GABRA2: variants seen among roughly 807,000 people sequenced by gnomAD.
The protein encoded by GABRA2 is gamma-aminobutyric acid receptor subunit alpha-2.
A neutral mutation model predicts 48.7 loss-of-function variants in GABRA2; 16 were observed. The ratio of observed to expected loss-of-function variants is 0.33; its 90% CI spans 0.22 to 0.50. The LOEUF (loss-of-function observed/expected upper bound fraction) is 0.50. Ranked by LOEUF, GABRA2 falls within the 20% of genes least tolerant of loss-of-function variation. GABRA2 has a pLI of 0.98. For synonymous variants in GABRA2, 185 were observed against 184.5 expected (o/e 1.00, Z -0.02); for missense variants, 275 against 535.6 (o/e 0.51, Z 4.80).
chr4:46,289,914 T>TTTATTTTTAA lies in GABRA2; in HGVS notation c.856+13545_856+13546insTTAAAAATAA, dbSNP rs1560482729. Among the ~76,000 whole-genome samples the TTTATTTTTAA allele has an allele frequency of 7.5e-3, 1,018 of 135,944 alleles. 16 individuals carry two copies. Among genetic ancestry groups the TTTATTTTTAA allele is most frequent in the African/African-American group, 0.027 (957 of 35,294 alleles). The allele number at this position is 135,944 out of a possible 152,430, so 89.2% of individuals were successfully genotyped here. ...TTATTTATTTATTTATTTATTTTTA[T>TTTATTTTTAA]TTTTTTTTTTTTTTTGAGACTGAGT... On this transcript the variant is annotated intron_variant, in intron 8 of 9. Coordinates refer to ENST00000381620, the MANE Select transcript of GABRA2 (RefSeq NM_000807.4).
At chr4:46,335,039 G>A (rs1218296473) in intron 3 of GABRA2, among the ~76,000 whole-genome samples, 1 of 152,082 alleles carries the variant, frequency 6.6e-6, no homozygotes, top group East Asian at 1.9e-4. Context: ...TTAGTGTAAT[G>A]AATATAGATA....
chr4:46,380,443 T>TATATTCTA (rs1716607251), intron 3 of GABRA2, among the ~76,000 whole-genome samples: 1 of 152,214 alleles, frequency 6.6e-6, no homozygotes, highest in African/African-American at 2.4e-5. Flanking sequence ...CATGGGTTGA[T>TATATTCTA]ATATTCTATT....
chr4:46,364,550 A>G (rs1713737556), intron 3 of GABRA2: 1 of 152,186 alleles, frequency 6.6e-6, no homozygotes, highest in Admixed American at 6.5e-5. Context: ...CTGGGGAAGA[A>G]TCAGCTTCTA....
intron 3 of GABRA2, among the ~76,000 whole-genome samples, chr4:46,347,329 C>A (rs187820162): frequency 2.0e-5 from 3 of 151,972 alleles, no homozygotes; most frequent in Non-Finnish European, 2.9e-5. Context: ...ACCACACTAC[C>A]TGACTTCAAA....
At chr4:46,290,886 T>G (rs762294654) in intron 8 of GABRA2, among the ~76,000 whole-genome samples, 1 of 152,174 alleles carries the variant, frequency 6.6e-6, no homozygotes, top group Non-Finnish European at 1.5e-5. Flanking sequence ...TAATGTGGTA[T>G]AGTATATTGA....
chr4:46,374,158 T>C (rs566082610), intron 3 of GABRA2, among the ~76,000 whole-genome samples: 3 of 152,242 alleles, frequency 2.0e-5, no homozygotes, highest in African/African-American at 4.8e-5. Flanking sequence ...CCTTAAAAAA[T>C]GCATGTAACT....
intron 3 of GABRA2, among the ~76,000 whole-genome samples, chr4:46,347,379 T>G (rs567695266): frequency 4.3e-4 from 66 of 151,896 alleles, no homozygotes; most frequent in Non-Finnish European, 9.3e-4. Flanking sequence ...AGCATAGTAC[T>G]GGCATAAAAC....
chr4:46,317,570 A>C (rs1728751150), intron 4 of GABRA2, among the ~76,000 whole-genome samples: 1 of 151,764 alleles, frequency 6.6e-6, no homozygotes, highest in African/African-American at 2.4e-5. Context: ...GATTGTGCCT[A>C]GTTAGGTGAA....
At chr4:46,280,800 T>C (rs181527029) in intron 8 of GABRA2, among the ~76,000 whole-genome samples, 1 of 152,254 alleles carries the variant, frequency 6.6e-6, no homozygotes, top group African/African-American at 2.4e-5. Flanking sequence ...GAATCTGTCA[T>C]AATGGTGGAG....
At chr4:46,339,706 C>T (rs1454836221) in intron 3 of GABRA2, among the ~76,000 whole-genome samples, 1 of 151,856 alleles carries the variant, frequency 6.6e-6, no homozygotes, top group Non-Finnish European at 1.5e-5. Context: ...CTTTATTTTA[C>T]TCCAACCTTA....
In GABRA2 at chr4:46,385,936, A is replaced by G. The variant is rs1315542506; in HGVS notation, c.187+138T>C. 5.0e-6 allele frequency: 3 copies of G among 599,430 alleles called. No homozygotes were observed. The East Asian group carries it at 8.9e-5, about 18-fold the overall frequency. The allele number at this position is 599,430 out of a possible 1,614,324, so 37.1% of individuals were successfully genotyped here. ...GGAATCACAGACAATATTTTTTCAT[A>G]TATCTTACTTTCTATTTTCTATAAT... On this transcript the variant is annotated intron_variant, in intron 3 of 9. Coordinates refer to ENST00000381620, the MANE Select transcript of GABRA2 (RefSeq NM_000807.4).
At position 46,286,610 on chromosome 4, in the gene GABRA2, C is replaced by G. The variant is rs116033199; in HGVS notation, c.856+16850G>C. 8.6e-3 allele frequency among the ~76,000 whole-genome samples: 1,309 copies of G among 152,156 alleles called. 22 individuals are homozygous for G. The highest frequency in any genetic ancestry group is 0.031 in the African/African-American group (1,268 of 41,528). ...TTTTCTACAACCTTGACAATGATTACTATATATTTTTCAAATACTTATATA... is the reference window on the plus strand; with the variant it reads ...TTTTCTACAACCTTGACAATGATTAGTATATATTTTTCAAATACTTATATA... On this transcript the variant is annotated intron_variant, in intron 8 of 9. Transcript: ENST00000381620.
chr4:46,349,328 C>T (rs1560563173), intron 3 of GABRA2, among the ~76,000 whole-genome samples: 1 of 151,772 alleles, frequency 6.6e-6, no homozygotes, highest in African/African-American at 2.4e-5. Flanking sequence ...TTTTTATCTC[C>T]TTGTTGGATA....
intron 8 of GABRA2, among the ~76,000 whole-genome samples, chr4:46,266,291 A>T (rs1718208203): frequency 6.8e-6 from 1 of 147,980 alleles, no homozygotes; most frequent in Non-Finnish European, 1.5e-5. Flanking sequence ...TAGTAAACAA[A>T]TTATTATATT....
chr4:46,270,450 CAAT>C (rs1719106379), intron 8 of GABRA2, among the ~76,000 whole-genome samples: 1 of 152,002 alleles, frequency 6.6e-6, no homozygotes, highest in Non-Finnish European at 1.5e-5. Flanking sequence ...TCTCTACCAA[CAAT>C]GTGCATTTTT....
intron 3 of GABRA2, among the ~76,000 whole-genome samples, chr4:46,341,401 G>T (rs1052918488): frequency 6.6e-6 from 1 of 152,026 alleles, no homozygotes. Context: ...GTGCATGTAC[G>T]TGTGCATGTG....
rs1713784680 is a variant in GABRA2 at position 46,246,777 on chromosome 4, T to C, written c.*3531A>G. Among the ~76,000 whole-genome samples, 1 of 151,310 alleles carries C rather than the reference T, an allele frequency of 6.6e-6. No homozygotes were observed. The highest frequency in any genetic ancestry group is 2.0e-4 in the East Asian group (1 of 5,128). On this transcript the variant is annotated 3_prime_UTR_variant, in exon 10 of 10. Coordinates refer to ENST00000381620, the MANE Select transcript of GABRA2 (RefSeq NM_000807.4). ...TAAATATGTCTGTGTTTCACAGACA[T>C]GTGTCTGAGGGCATCAGGCATAGAA...
rs1715752267 is a variant in GABRA2 at position 46,256,069 on chromosome 4, GC to G, written c.1060-5466del. On this transcript the variant is annotated intron_variant, in intron 9 of 9. Coordinates refer to ENST00000381620, the MANE Select transcript of GABRA2 (RefSeq NM_000807.4). ...TATGCTTTTTCTACCATACCATGTT[GC>G]CTTTTTACAGTTATTGTGGCTACTA... The G allele has an allele frequency of 1.9e-5, 8 of 428,872 alleles. No individual in the cohort carries two copies. The South Asian group carries it at 5.0e-4, about 27-fold the overall frequency. The allele number at this position is 428,872 out of a possible 1,614,324, so 26.6% of individuals were successfully genotyped here. A position where few individuals can be genotyped will look rare whatever the true frequency, so the allele number is the denominator to read the frequency against.
intron 3 of GABRA2, chr4:46,364,187 A>G (rs1713674039): frequency 6.6e-6 from 1 of 152,182 alleles, no homozygotes; most frequent in Admixed American, 6.6e-5. Context: ...TTGTGACCCT[A>G]TGCATATTAC....
Sources: allele counts gnomAD v4.1 joint callset (sites outside exome capture counted in the v4.1 genomes callset), GRCh38; gene constraint gnomAD v4.1.1; transcripts MANE v1.5; gene names NCBI Gene and HGNC (gene_info 2026-07-23, HGNC 2026-07-21).